GALNT13: variants seen among roughly 807,000 people sequenced by gnomAD.
The protein encoded by GALNT13 is UDP-GalNAc:polypeptide N-acetylgalactosaminyltransferase 13.
A neutral mutation model predicts 64.2 loss-of-function variants in GALNT13; 28 were observed. The ratio of observed to expected loss-of-function variants is 0.44; its 90% CI spans 0.32 to 0.60. The LOEUF is 0.60. Among genes scored for constraint, GALNT13 ranks in the 20% least tolerant of loss-of-function variants. GALNT13 has a pLI of 0.05. For synonymous variants in GALNT13, 214 were observed against 224.6 expected, an observed-to-expected ratio of 0.95 and a Z score of 0.42; for missense variants, 577 against 669.8, an observed-to-expected ratio of 0.86 and a Z score of 1.53.
chr2:153,772,069 G>C, the GALNT13 span, among the ~76,000 whole-genome samples: 1 of 152,140 alleles, frequency 6.6e-6, no homozygotes, highest in Admixed American at 6.5e-5. Flanking sequence ...GCAGTCTTGT[G>C]ACTGGAGAGA....
chr2:153,966,559 G>A (rs1223667951), intron 3 of GALNT13, among the ~76,000 whole-genome samples: 2 of 151,778 alleles, frequency 1.3e-5, no homozygotes, highest in Non-Finnish European at 1.5e-5. Flanking sequence ...TAGTAGACAC[G>A]GGGTCTCACC....
At chr2:154,449,182 C>G (rs190388219) in intron 12 of GALNT13, among the ~76,000 whole-genome samples, 333 of 151,950 alleles carry the variant, frequency 2.2e-3, no homozygotes, top group Non-Finnish European at 3.8e-3. Flanking sequence ...CAACAAAGGT[C>G]TCAATCTTGA....
the GALNT13 span, among the ~76,000 whole-genome samples, chr2:153,141,189 C>T: frequency 6.8e-6 from 1 of 147,668 alleles, no homozygotes; most frequent in African/African-American, 2.4e-5. Flanking sequence ...CCTGTTGTAG[C>T]AGATAGCAGT....
At chr2:154,423,996 A>C (rs1700366271) in intron 11 of GALNT13, among the ~76,000 whole-genome samples, 1 of 152,210 alleles carries the variant, frequency 6.6e-6, no homozygotes, top group Non-Finnish European at 1.5e-5. Context: ...TAAACATTAG[A>C]AAAATTCAAA....
the GALNT13 span, among the ~76,000 whole-genome samples, chr2:153,489,108 C>A: frequency 6.6e-6 from 1 of 151,998 alleles, no homozygotes; most frequent in African/African-American, 2.4e-5. Context: ...TAATAGACAT[C>A]GGAGACCAGA....
At chr2:153,541,096 C>G in the GALNT13 span, among the ~76,000 whole-genome samples, 1 of 152,062 alleles carries the variant, frequency 6.6e-6, no homozygotes, top group African/African-American at 2.4e-5. Context: ...ATTGTAGCTC[C>G]TATAATCCCC....
the GALNT13 span, among the ~76,000 whole-genome samples, chr2:153,786,125 T>C: frequency 6.6e-6 from 1 of 152,052 alleles, no homozygotes; most frequent in Non-Finnish European, 1.5e-5. Flanking sequence ...CTGCCTGATA[T>C]GGGACTCCAT....
the GALNT13 span, among the ~76,000 whole-genome samples, chr2:153,771,329 G>T: frequency 1.3e-5 from 2 of 152,154 alleles, no homozygotes; most frequent in African/African-American, 4.8e-5. Flanking sequence ...CCTAATATGT[G>T]AGAGTGAGTG....
At chr2:153,361,415 A>T in the GALNT13 span, among the ~76,000 whole-genome samples, 1 of 152,032 alleles carries the variant, frequency 6.6e-6, no homozygotes, top group African/African-American at 2.4e-5. Flanking sequence ...AATAAATAAC[A>T]AATTCTGTTG....
At chr2:153,526,258 C>G in the GALNT13 span, among the ~76,000 whole-genome samples, 2 of 152,260 alleles carry the variant, frequency 1.3e-5, no homozygotes, top group South Asian at 4.1e-4. Flanking sequence ...AGACCCGGTG[C>G]TGTGCTGGGT....
the GALNT13 span, among the ~76,000 whole-genome samples, chr2:153,830,522 T>C: frequency 1.8e-3 from 276 of 152,306 alleles, no homozygotes; most frequent in Admixed American, 3.2e-3. Flanking sequence ...GTATTGCCTT[T>C]GTCAATTTCA....
intron 4 of GALNT13, among the ~76,000 whole-genome samples, chr2:154,229,134 A>G (rs1325311424): frequency 6.6e-6 from 1 of 151,986 alleles, no homozygotes; most frequent in African/African-American, 2.4e-5. Flanking sequence ...ACCAAAAAAA[A>G]GAAAAAAAAA....
chr2:154,362,773 AG>A (rs1035459002), intron 9 of GALNT13, among the ~76,000 whole-genome samples: 7 of 152,178 alleles, frequency 4.6e-5, no homozygotes. Flanking sequence ...ACTGCCTACA[AG>A]TGGCCAAATA....
the GALNT13 span, among the ~76,000 whole-genome samples, chr2:153,248,855 A>G: frequency 2.1e-5 from 3 of 143,806 alleles, no homozygotes; most frequent in Admixed American, 6.8e-5. Context: ...AAAACCCTCA[A>G]TAAACTAGGT....
chr2:153,399,964 G>T, the GALNT13 span, among the ~76,000 whole-genome samples: 1 of 151,440 alleles, frequency 6.6e-6, no homozygotes, highest in Non-Finnish European at 1.5e-5. Flanking sequence ...ACACTATGTT[G>T]AATAGGAGTG....
the GALNT13 span, among the ~76,000 whole-genome samples, chr2:153,648,534 G>A: frequency 6.6e-6 from 1 of 152,088 alleles, no homozygotes; most frequent in Non-Finnish European, 1.5e-5. Context: ...GGACATCCCT[G>A]TCTTGTGCCC....
the GALNT13 span, among the ~76,000 whole-genome samples, chr2:153,480,597 C>T: frequency 6.6e-6 from 1 of 152,118 alleles, no homozygotes; most frequent in Non-Finnish European, 1.5e-5. Context: ...ACTTAAATCT[C>T]ATCATACAAT....
the GALNT13 span, among the ~76,000 whole-genome samples, chr2:153,608,806 A>C: frequency 6.8e-6 from 1 of 147,742 alleles, no homozygotes; most frequent in Non-Finnish European, 1.5e-5. Context: ...ATTTTATTAC[A>C]TATAATATAT....
the GALNT13 span, among the ~76,000 whole-genome samples, chr2:153,719,728 C>A: frequency 6.6e-6 from 1 of 151,956 alleles, no homozygotes; most frequent in Non-Finnish European, 1.5e-5. Flanking sequence ...GGGTCACTCC[C>A]ACCCGAATAT....
Sources: allele counts gnomAD v4.1 joint callset (sites outside exome capture counted in the v4.1 genomes callset), GRCh38; gene constraint gnomAD v4.1.1; transcripts MANE v1.5; gene names NCBI Gene and HGNC (gene_info 2026-07-23, HGNC 2026-07-21).